PHACTR1: variants seen among roughly 807,000 people sequenced by gnomAD.
The protein encoded by PHACTR1 is phosphatase and actin regulator 1, also known as RPEL repeat containing 1.
Under a neutral mutation model 69.2 loss-of-function variants are expected in PHACTR1, and 16 were observed. That is an observed-to-expected ratio of 0.23 (90% confidence interval 0.16 to 0.35). The LOEUF is 0.35. PHACTR1 is among the 10% of genes least tolerant of loss of function. PHACTR1 has a pLI of 1.00. For missense variants in PHACTR1, 510 were observed against 734.7 expected (o/e 0.69, Z 3.54); for synonymous variants, 312 against 284.5 (o/e 1.10, Z -0.97).
chr6:12,946,859 C>T (rs1423120581), intron 4 of PHACTR1, among the ~76,000 whole-genome samples: 1 of 127,598 alleles, frequency 7.8e-6, no homozygotes, highest in Non-Finnish European at 1.6e-5. Flanking sequence ...GTCGCTCAGG[C>T]TGGAGTGCAG....
chr6:12,878,989 A>G (rs1782812364), intron 4 of PHACTR1, among the ~76,000 whole-genome samples: 1 of 152,178 alleles, frequency 6.6e-6, no homozygotes, highest in Non-Finnish European at 1.5e-5. Flanking sequence ...CAGCATTGAA[A>G]AGGCACGTGG....
At chr6:12,726,009 T>G (rs935129255) in intron 3 of PHACTR1, among the ~76,000 whole-genome samples, 1 of 152,168 alleles carries the variant, frequency 6.6e-6, no homozygotes, top group Non-Finnish European at 1.5e-5. Flanking sequence ...AGAATTAAAA[T>G]CTTTAGTTGA....
chr6:13,159,785 C>T (rs555740769), intron 5 of PHACTR1, among the ~76,000 whole-genome samples: 30 of 152,214 alleles, frequency 2.0e-4, no homozygotes, highest in African/African-American at 7.0e-4. Flanking sequence ...ACTAAAAATA[C>T]AAAAATTAGC....
intron 10 of PHACTR1, among the ~76,000 whole-genome samples, chr6:13,258,826 G>A (rs1026867544): frequency 2.0e-5 from 3 of 152,236 alleles, no homozygotes; most frequent in African/African-American, 4.8e-5. Flanking sequence ...TAGTTTTTAA[G>A]GTGTGAGGAG....
At chr6:12,803,961 G>A (rs760198909) in intron 4 of PHACTR1, among the ~76,000 whole-genome samples, 1 of 152,132 alleles carries the variant, frequency 6.6e-6, no homozygotes, top group African/African-American at 2.4e-5. Flanking sequence ...ATTCCAAATA[G>A]TAACAAATTA....
chr6:13,281,098 C>A (rs1780087273), intron 12 of PHACTR1: 1 of 1,289,610 alleles, frequency 7.8e-7, no homozygotes, highest in Non-Finnish European at 1.0e-6. Context: ...GATGTTCAGG[C>A]ATAAGAAACA....
chr6:13,068,713 A>G (rs1365191116), intron 5 of PHACTR1, among the ~76,000 whole-genome samples: 1 of 152,178 alleles, frequency 6.6e-6, no homozygotes, highest in African/African-American at 2.4e-5. Flanking sequence ...TTTACAATTA[A>G]GTGAGCAAAC....
At chr6:13,159,141 T>C (rs1369719754) in intron 5 of PHACTR1, among the ~76,000 whole-genome samples, 2 of 152,164 alleles carry the variant, frequency 1.3e-5, no homozygotes, top group East Asian at 3.9e-4. Context: ...CACTGTTACC[T>C]CTTCCTTCCT....
intron 3 of PHACTR1, among the ~76,000 whole-genome samples, chr6:12,745,072 G>T (rs1169099969): frequency 3.3e-5 from 5 of 152,186 alleles, no homozygotes; most frequent in Admixed American, 3.3e-4. Context: ...TATCGCAAGT[G>T]ATTCTGATGT....
chr6:13,220,017 CAAGAT>C (rs1367911992), intron 8 of PHACTR1, among the ~76,000 whole-genome samples: 1 of 152,094 alleles, frequency 6.6e-6, no homozygotes, highest in Non-Finnish European at 1.5e-5. Flanking sequence ...CATAAACAAT[CAAGAT>C]AATAACAATA....
chr6:12,825,952 C>T (rs1254370107), intron 4 of PHACTR1, among the ~76,000 whole-genome samples: 1 of 152,202 alleles, frequency 6.6e-6, no homozygotes, highest in Non-Finnish European at 1.5e-5. Flanking sequence ...GGACTTTTCA[C>T]AACTCCATGT....
chr6:13,108,146 G>A (rs1816469650), intron 5 of PHACTR1, among the ~76,000 whole-genome samples: 1 of 151,952 alleles, frequency 6.6e-6, no homozygotes, highest in African/African-American at 2.4e-5. Flanking sequence ...CATTGATTAT[G>A]TATGCTAGTG....
chr6:12,913,637 A>G (rs1405920344), intron 4 of PHACTR1, among the ~76,000 whole-genome samples: 1 of 152,212 alleles, frequency 6.6e-6, no homozygotes, highest in Non-Finnish European at 1.5e-5. Context: ...TCGCACATTT[A>G]TCTCAGCCCC....
intron 4 of PHACTR1, among the ~76,000 whole-genome samples, chr6:13,051,113 C>T (rs768565882): frequency 4.6e-5 from 7 of 152,176 alleles, no homozygotes; most frequent in South Asian, 4.2e-4. Flanking sequence ...TCGATCAGGC[C>T]GACCCCCCCA....
intron 4 of PHACTR1, among the ~76,000 whole-genome samples, chr6:12,846,239 G>C (rs1779248138): frequency 1.3e-5 from 2 of 152,180 alleles, no homozygotes; most frequent in African/African-American, 4.8e-5. Flanking sequence ...ATGTGCGTTT[G>C]TCAATAGTTA....
rs994802085 is a variant in PHACTR1 at position 13,014,007 on chromosome 6, C to A, written c.251-39358C>A. On this transcript the variant is annotated intron_variant, in intron 4 of 14. Transcript: ENST00000332995. ...ACCCAAAAAGAAAGCTTTTTATTTG[C>A]TGAGGATGAAGCCCCTGAAGGAGCC... Among the ~76,000 whole-genome samples the A allele has an allele frequency of 6.6e-4, 101 of 152,162 alleles. No homozygotes were observed. Among genetic ancestry groups the A allele is most frequent in the African/African-American group, 2.3e-3 (96 of 41,544 alleles).
intron 4 of PHACTR1, among the ~76,000 whole-genome samples, chr6:12,868,031 G>A (rs113606396): frequency 0.14 from 21,274 of 152,064 alleles, 1,868 homozygotes; most frequent in East Asian, 0.41. Flanking sequence ...AGGCCAAGGC[G>A]GGCAGATCAC....
intron 4 of PHACTR1, among the ~76,000 whole-genome samples, chr6:12,867,951 G>T (rs2127435423): frequency 1.3e-5 from 2 of 152,204 alleles, no homozygotes; most frequent in Middle Eastern, 3.4e-3. Context: ...AGATATATTT[G>T]CTGGGAATAA....
intron 5 of PHACTR1, among the ~76,000 whole-genome samples, chr6:13,068,509 G>A (rs1437944076): frequency 6.6e-6 from 1 of 152,124 alleles, no homozygotes; most frequent in Non-Finnish European, 1.5e-5. Flanking sequence ...CCTATTTTCA[G>A]TCTGTGGATG....
Sources: gnomAD v4.1 joint callset for allele counts (sites outside exome capture counted in the v4.1 genomes callset) on GRCh38, gnomAD v4.1.1 for gene constraint, MANE v1.5 for transcripts, NCBI Gene and HGNC (gene_info 2026-07-23, HGNC 2026-07-21) for gene names.